PRKN: variants seen among roughly 807,000 people sequenced by gnomAD.
The protein encoded by PRKN is E3 ubiquitin-protein ligase parkin.
In PRKN, 56 loss-of-function variants were observed where a neutral mutation model predicts 59.5. The observed-to-expected ratio is 0.94, with a 90% confidence interval of 0.76 to 1.18. The LOEUF is 1.18. PRKN is among the 50% of genes most tolerant of loss of function. PRKN has a pLI of 0.00. For synonymous variants in PRKN, 250 were observed against 222.1 expected, an observed-to-expected ratio of 1.13 and a Z score of -1.12; for missense variants, 657 against 596.4, an observed-to-expected ratio of 1.10 and a Z score of -1.06.
At chr6:162,675,156 T>C (rs1779491546) in intron 1 of PRKN, among the ~76,000 whole-genome samples, 3 of 151,620 alleles carry the variant, frequency 2.0e-5, no homozygotes, top group African/African-American at 7.3e-5. Flanking sequence ...AAGCGAATTC[T>C]CCTGCCTCAG....
intron 3 of PRKN, among the ~76,000 whole-genome samples, chr6:162,252,124 A>G (rs1264605870): frequency 6.6e-6 from 1 of 152,234 alleles, no homozygotes. Flanking sequence ...GCAAGTGTGC[A>G]TAAAGAGGGA....
intron 7 of PRKN, among the ~76,000 whole-genome samples, chr6:161,680,323 G>A (rs929697503): frequency 4.6e-5 from 7 of 152,114 alleles, no homozygotes; most frequent in Admixed American, 6.5e-5. Context: ...AGGTTAACAC[G>A]CCTTAATAAA....
intron 2 of PRKN, among the ~76,000 whole-genome samples, chr6:162,359,220 GTAAA>G (rs1785023273): frequency 6.6e-6 from 1 of 151,686 alleles, no homozygotes; most frequent in African/African-American, 2.4e-5. Context: ...AAACCACCAG[GTAAA>G]TAAATATTTG....
chr6:162,640,702 C>A (rs1452550889), intron 1 of PRKN, among the ~76,000 whole-genome samples: 1 of 152,138 alleles, frequency 6.6e-6, no homozygotes, highest in East Asian at 1.9e-4. Context: ...TCCTGGAAAT[C>A]CTTAGTCACT....
intron 7 of PRKN, among the ~76,000 whole-genome samples, chr6:161,587,507 A>G (rs1038364255): frequency 1.3e-5 from 2 of 152,192 alleles, no homozygotes; most frequent in African/African-American, 4.8e-5. Context: ...AATAAAGCAA[A>G]GCCTGTTTCA....
intron 5 of PRKN, among the ~76,000 whole-genome samples, chr6:162,010,023 C>T (rs914366539): frequency 6.6e-6 from 1 of 151,140 alleles, no homozygotes; most frequent in South Asian, 2.1e-4. Context: ...ACTTCACCTA[C>T]GCTTGGAGTT....
At chr6:162,506,542 T>C (rs756030471) in intron 1 of PRKN, among the ~76,000 whole-genome samples, 1 of 152,188 alleles carries the variant, frequency 6.6e-6, no homozygotes, top group Non-Finnish European at 1.5e-5. Flanking sequence ...ACAGCAAATA[T>C]GGACTTACCT....
intron 2 of PRKN, among the ~76,000 whole-genome samples, chr6:162,279,497 A>C (rs1261013956): frequency 6.6e-6 from 1 of 151,536 alleles, no homozygotes; most frequent in Non-Finnish European, 1.5e-5. Context: ...AAAGAAAAGA[A>C]TCCTCTGTCT....
intron 6 of PRKN, among the ~76,000 whole-genome samples, chr6:161,804,811 T>C (rs1791239232): frequency 6.6e-6 from 1 of 152,216 alleles, no homozygotes; most frequent in South Asian, 2.1e-4. Flanking sequence ...ATTTTCCCAA[T>C]CTATTGCTGT....
At chr6:161,710,579 C>T (rs1174593441) in intron 7 of PRKN, among the ~76,000 whole-genome samples, 1 of 152,088 alleles carries the variant, frequency 6.6e-6, no homozygotes, top group African/African-American at 2.4e-5. Context: ...ATTTAAACAT[C>T]ATAAGAATGA....
chr6:162,450,556 GT>G (rs1790577283), intron 1 of PRKN, among the ~76,000 whole-genome samples: 1 of 152,168 alleles, frequency 6.6e-6, no homozygotes, highest in South Asian at 2.1e-4. Flanking sequence ...TCTTGATCAT[GT>G]TTACCCTTGA....
intron 3 of PRKN, among the ~76,000 whole-genome samples, chr6:162,210,598 AC>A (rs995735210): frequency 2.0e-5 from 3 of 152,154 alleles, no homozygotes; most frequent in Non-Finnish European, 2.9e-5. Flanking sequence ...TTCATTCCCA[AC>A]CAAATCCTTT....
At position 161,998,892 on chromosome 6, in the gene PRKN, T is replaced by C. The variant is rs1781942268; in HGVS notation, c.619-25475A>G. Among the ~76,000 whole-genome samples, 6 of 152,268 alleles carry C rather than the reference T, an allele frequency of 3.9e-5. No homozygotes were observed. The South Asian group carries it at 1.2e-3, about 32-fold the overall frequency. On this transcript the variant is annotated intron_variant, in intron 5 of 11. Coordinates refer to ENST00000366898, the MANE Select transcript of PRKN (RefSeq NM_004562.3). The stretch of plus-strand genomic sequence containing the variant: ...AAATAAGTAATTTATGGTGTCAGTT[T>C]GTTTCCAAAGATGAGTAGTGTGAAC...
intron 2 of PRKN, among the ~76,000 whole-genome samples, chr6:162,429,344 G>T (rs942055756): frequency 6.6e-6 from 1 of 152,128 alleles, no homozygotes; most frequent in Non-Finnish European, 1.5e-5. Flanking sequence ...CAAGAAAAGG[G>T]ACCTTGTCTG....
At chr6:162,262,796 A>AG in intron 2 of PRKN, 31 bp from the exon 3 acceptor site, 1 of 1,601,462 alleles carries the variant, frequency 6.2e-7, no homozygotes, top group East Asian at 2.2e-5. Flanking sequence ...AAAAAAAAAA[A>AG]AAAAAAAGGA....
At chr6:161,591,677 A>T (rs1386043759) in intron 7 of PRKN, among the ~76,000 whole-genome samples, 1 of 152,214 alleles carries the variant, frequency 6.6e-6, no homozygotes, top group African/African-American at 2.4e-5. Context: ...TTTGATTGCT[A>T]CTGAAACTAA....
At position 161,357,433 on chromosome 6, in the gene PRKN, C is replaced by T. The variant is rs1784804964; in HGVS notation, c.1285+2655G>A. 1.3e-5 allele frequency among the ~76,000 whole-genome samples: 2 copies of T among 152,220 alleles called. No homozygotes were observed. Among genetic ancestry groups the T allele is most frequent in the African/African-American group, 2.4e-5 (1 of 41,456 alleles). On this transcript the variant is annotated intron_variant, in intron 11 of 11. Transcript: ENST00000366898. The surrounding 1 kb of genome is among the most constrained non-coding windows in gnomAD (Gnocchi z 5.5). ...AGGCCACTAAGGCATGGACCCCAGACCTGCTGGGTAAATTCTCCACCTGCC... is the reference window on the plus strand; with the variant it reads ...AGGCCACTAAGGCATGGACCCCAGATCTGCTGGGTAAATTCTCCACCTGCC...
chr6:162,510,906 G>A (rs554007580), intron 1 of PRKN, among the ~76,000 whole-genome samples: 32 of 151,950 alleles, frequency 2.1e-4, no homozygotes, highest in Non-Finnish European at 4.0e-4. Context: ...CTGGGCAATA[G>A]AGCGAGACTC....
At chr6:162,212,599 T>C (rs774297872) in intron 3 of PRKN, among the ~76,000 whole-genome samples, 47 of 152,318 alleles carry the variant, frequency 3.1e-4, no homozygotes, top group Middle Eastern at 3.4e-3. Context: ...ATTGCCTCTA[T>C]AAAAGGTAAA....
Sources: allele counts gnomAD v4.1 joint callset (sites outside exome capture counted in the v4.1 genomes callset), GRCh38; gene constraint gnomAD v4.1.1; non-coding constraint Gnocchi (gnomAD v3.1); transcripts MANE v1.5; gene names NCBI Gene and HGNC (gene_info 2026-07-23, HGNC 2026-07-21).